CCDC171: variants seen among roughly 807,000 people sequenced by gnomAD.
CCDC171 encodes coiled-coil domain-containing protein 171.
CCDC171 carries 177 observed loss-of-function variants against 168.2 expected under a neutral mutation model. That is an observed-to-expected ratio of 1.05 (90% CI 0.93 to 1.19). The LOEUF is 1.19. Ranked by LOEUF, CCDC171 falls within the 50% of genes most tolerant of loss-of-function variation. The pLI, the probability that CCDC171 is intolerant of heterozygous loss-of-function variation, is 0.00. For missense variants in CCDC171, 1,991 were observed against 1,539.0 expected (o/e 1.29, Z -4.91); for synonymous variants, 687 against 540.8 (o/e 1.27, Z -3.75).
intron 25 of CCDC171, among the ~76,000 whole-genome samples, chr9:15,958,791 T>C (rs948626514): frequency 2.0e-5 from 3 of 152,080 alleles, no homozygotes; most frequent in Admixed American, 6.6e-5. Context: ...GCAATGGTAG[T>C]GTCCAAGAAG....
rs184617995 is a variant in CCDC171 at position 15,672,388 on chromosome 9, G to T, written c.1076+6065G>T. ...CATTTTGTCCATTTTGACTTTTGTT[G>T]CCATTGCTTTTGGTGTTTTAGTCAT... is the stretch of plus-strand genomic sequence containing the variant. On this transcript the variant is annotated intron_variant, in intron 9 of 25. Coordinates refer to ENST00000380701, the MANE Select transcript of CCDC171 (RefSeq NM_173550.4). Among the ~76,000 whole-genome samples, 106 of 152,222 alleles carry T rather than the reference G, an allele frequency of 7.0e-4. 1 individual carries two copies. The South Asian group carries it at 0.012, about 17-fold the overall frequency.
chr9:15,776,066 A>C (rs2057308115), intron 18 of CCDC171: 1 of 152,192 alleles, frequency 6.6e-6, no homozygotes, highest in Non-Finnish European at 1.5e-5. Flanking sequence ...GTACTTTAGT[A>C]AATTCCTTTA....
At chr9:15,966,028 A>G (rs940252854) in intron 25 of CCDC171, among the ~76,000 whole-genome samples, 1 of 152,236 alleles carries the variant, frequency 6.6e-6, no homozygotes, top group Non-Finnish European at 1.5e-5. Flanking sequence ...TAGGAATCTT[A>G]TTTAGTCCCA....
At position 15,744,653 on chromosome 9, in the gene CCDC171, A is replaced by G; in HGVS notation, c.2430A>G (p.Ala810=). 1 of 1,614,206 alleles carries G rather than the reference A, an allele frequency of 6.2e-7. No individual in the cohort carries two copies. The highest frequency in any genetic ancestry group is 8.5e-7 in the Non-Finnish European group (1 of 1,180,030). ...GGAAAGGTGTTATTGCTGTTTTGGC[A>G]GCAAACAGACTCAAGATTTTGGGCC... ...IFRKGVIAVL[A]ANRLKILGQS... is the part of the protein sequence containing the mutation. The change falls in exon 17 of 26, where the codon GCA becomes GCG. Residue 810 remains alanine, a synonymous_variant. Transcript: ENST00000380701.
At chr9:16,024,912 C>T (rs1452521439) in intron 6 of CCDC171, among the ~76,000 whole-genome samples, 1 of 152,170 alleles carries the variant, frequency 6.6e-6, no homozygotes, top group African/African-American at 2.4e-5. Flanking sequence ...ATCTCAGATG[C>T]CTGGGACTGA....
intron 25 of CCDC171, among the ~76,000 whole-genome samples, chr9:15,955,274 A>AG (rs34129749): frequency 1.3e-5 from 2 of 152,096 alleles, no homozygotes; most frequent in Non-Finnish European, 2.9e-5. Flanking sequence ...CTGGTCCCAA[A>AG]GGGGGGAAAA....
intron 6 of CCDC171, among the ~76,000 whole-genome samples, chr9:15,617,312 T>C (rs2044153901): frequency 6.6e-6 from 1 of 152,140 alleles, no homozygotes; most frequent in African/African-American, 2.4e-5. Context: ...CTTTTCCTTA[T>C]CTTTGTGGAT....
At chr9:15,622,976 A>G (rs1369168396) in intron 6 of CCDC171, among the ~76,000 whole-genome samples, 2 of 152,238 alleles carry the variant, frequency 1.3e-5, no homozygotes, top group Non-Finnish European at 2.9e-5. Context: ...ACTGCATTAT[A>G]TAAATACCTT....
At chr9:15,766,521 A>C (rs1384291865) in intron 18 of CCDC171, among the ~76,000 whole-genome samples, 3 of 152,056 alleles carry the variant, frequency 2.0e-5, no homozygotes, top group Non-Finnish European at 4.4e-5. Flanking sequence ...GAAATATGAG[A>C]TATTGGAGAA....
At chr9:16,083,272 T>C in the CCDC171 span, among the ~76,000 whole-genome samples, 1 of 152,174 alleles carries the variant, frequency 6.6e-6, no homozygotes, top group Admixed American at 6.6e-5. Flanking sequence ...CATACACTGT[T>C]ATCCCTGCCT....
At chr9:15,832,155 T>A (rs1293244403) in intron 21 of CCDC171, among the ~76,000 whole-genome samples, 1 of 152,236 alleles carries the variant, frequency 6.6e-6, no homozygotes, top group African/African-American at 2.4e-5. Context: ...TTTTATTTTT[T>A]AAACTTTTGG....
chr9:15,926,765 C>G (rs1166358591), intron 25 of CCDC171, among the ~76,000 whole-genome samples: 1 of 151,540 alleles, frequency 6.6e-6, no homozygotes, highest in Non-Finnish European at 1.5e-5. Context: ...TAAATATTCT[C>G]TTATCTGTGT....
chr9:15,858,436 T>C (rs1311650045), intron 23 of CCDC171, among the ~76,000 whole-genome samples: 1 of 152,098 alleles, frequency 6.6e-6, no homozygotes, highest in African/African-American at 2.4e-5. Context: ...TTAGAATTGC[T>C]TTTTCTATTT....
chr9:15,564,497 C>G (rs1455942874), intron 2 of CCDC171, among the ~76,000 whole-genome samples: 1 of 152,140 alleles, frequency 6.6e-6, no homozygotes, highest in Non-Finnish European at 1.5e-5. Context: ...CTTCATTGGC[C>G]CAGCTCTAAT....
At chr9:15,724,514 G>T (rs369764472) in intron 13 of CCDC171, among the ~76,000 whole-genome samples, 3 of 152,092 alleles carry the variant, frequency 2.0e-5, no homozygotes, top group Admixed American at 1.3e-4. Context: ...AAACTCCCTT[G>T]GAAGAACTTT....
At chr9:15,870,504 A>G (rs766198569) in intron 23 of CCDC171, among the ~76,000 whole-genome samples, 1 of 151,912 alleles carries the variant, frequency 6.6e-6, no homozygotes, top group Non-Finnish European at 1.5e-5. Flanking sequence ...TGAAGCCCTA[A>G]TATCAGTTGC....
intron 21 of CCDC171, among the ~76,000 whole-genome samples, chr9:15,820,973 A>C (rs1459261030): frequency 8.5e-6 from 1 of 117,138 alleles, no homozygotes; most frequent in Non-Finnish European, 1.9e-5. Context: ...CAGCACATCA[A>C]AAAGCTTACC....
At chr9:15,822,687 A>ATG (rs1349211363) in intron 21 of CCDC171, among the ~76,000 whole-genome samples, 1 of 152,182 alleles carries the variant, frequency 6.6e-6, no homozygotes, top group Non-Finnish European at 1.5e-5. Flanking sequence ...AGGAAACAGC[A>ATG]GGTGCTGGAG....
At chr9:16,084,579 C>A in the CCDC171 span, among the ~76,000 whole-genome samples, 3 of 152,200 alleles carry the variant, frequency 2.0e-5, no homozygotes, top group African/African-American at 7.2e-5. Flanking sequence ...AGAAAGTATA[C>A]TATTTGAACC....
Sources: allele counts gnomAD v4.1 joint callset (sites outside exome capture counted in the v4.1 genomes callset), GRCh38; gene constraint gnomAD v4.1.1; transcripts MANE v1.5; gene names NCBI Gene and HGNC (gene_info 2026-07-23, HGNC 2026-07-21).